Variants in TSPAN5 observed in about 807,000 individuals in gnomAD.
The protein encoded by TSPAN5 is tetraspanin 5.
Under a neutral mutation model 37.1 loss-of-function variants are expected in TSPAN5, and 10 were observed. The ratio of observed to expected loss-of-function variants is 0.27; its 90% CI spans 0.17 to 0.46. The LOEUF (loss-of-function observed/expected upper bound fraction) is 0.46, where lower values mean the gene tolerates loss of function less well. Among genes scored for constraint, TSPAN5 ranks in the 20% least tolerant of loss-of-function variants. The pLI is 1.00. For missense variants in TSPAN5, 195 were observed against 326.6 expected, an observed-to-expected ratio of 0.60 and a Z score of 3.11; for synonymous variants, 110 against 118.9, an observed-to-expected ratio of 0.93 and a Z score of 0.48.
At chr4:98,623,767 T>C (rs1284097693) in intron 1 of TSPAN5, among the ~76,000 whole-genome samples, 2 of 152,166 alleles carry the variant, frequency 1.3e-5, no homozygotes, top group Admixed American at 1.3e-4. Context: ...AATACAAAAT[T>C]GGGAAATTTA....
At chr4:98,650,618 CAT>C (rs1182043434) in intron 1 of TSPAN5, among the ~76,000 whole-genome samples, 2 of 152,112 alleles carry the variant, frequency 1.3e-5, no homozygotes, top group Non-Finnish European at 1.5e-5. Flanking sequence ...TTTAAAAGTA[CAT>C]AGATACAGAA....
chr4:98,615,858 G>A (rs1305933922), intron 1 of TSPAN5, among the ~76,000 whole-genome samples: 1 of 152,114 alleles, frequency 6.6e-6, no homozygotes, highest in Non-Finnish European at 1.5e-5. Flanking sequence ...GGCAACAGGT[G>A]GAATTAAAGG....
intron 1 of TSPAN5, among the ~76,000 whole-genome samples, chr4:98,606,556 C>T (rs1259722431): frequency 6.6e-6 from 1 of 152,136 alleles, no homozygotes; most frequent in Admixed American, 6.5e-5. Context: ...ACATCAAACA[C>T]CATTATTAAG....
chr4:98,589,887 T>C (rs1381649687), intron 1 of TSPAN5, among the ~76,000 whole-genome samples: 4 of 152,200 alleles, frequency 2.6e-5, no homozygotes, highest in Admixed American at 6.5e-5. Flanking sequence ...TTCTCCCCTT[T>C]TTCTCTTTAA....
intron 1 of TSPAN5, among the ~76,000 whole-genome samples, chr4:98,610,394 T>C (rs1473934034): frequency 6.6e-6 from 1 of 152,190 alleles, no homozygotes; most frequent in African/African-American, 2.4e-5. Context: ...GGGGGACACA[T>C]TCAAACCATA....
intron 2 of TSPAN5, among the ~76,000 whole-genome samples, chr4:98,491,574 G>A (rs944059827): frequency 6.6e-6 from 1 of 151,936 alleles, no homozygotes; most frequent in African/African-American, 2.4e-5. Flanking sequence ...TGTAATCCCA[G>A]CTACTCGAGA....
chr4:98,622,696 A>G (rs1296770056), intron 1 of TSPAN5, among the ~76,000 whole-genome samples: 3 of 152,232 alleles, frequency 2.0e-5, no homozygotes, highest in Non-Finnish European at 4.4e-5. Flanking sequence ...CAGGTAGGAC[A>G]GTCAGTCTGA....
chr4:98,564,378 T>C (rs984221048), intron 1 of TSPAN5, among the ~76,000 whole-genome samples: 12 of 152,242 alleles, frequency 7.9e-5, no homozygotes, highest in Non-Finnish European at 2.9e-5. Context: ...CTCCTACGAA[T>C]ATAAATAAAA....
chr4:98,487,091 A>G (rs1414963696), intron 2 of TSPAN5, among the ~76,000 whole-genome samples: 1 of 138,994 alleles, frequency 7.2e-6, no homozygotes, highest in Non-Finnish European at 1.5e-5. Context: ...AAAGAGAAAG[A>G]GAGAGAAAGA....
chr4:98,570,224 G>A (rs2110180729), intron 1 of TSPAN5, among the ~76,000 whole-genome samples: 1 of 152,216 alleles, frequency 6.6e-6, no homozygotes, highest in East Asian at 1.9e-4. Flanking sequence ...CCTATAAGTG[G>A]TAAAAAACAA....
intron 1 of TSPAN5, among the ~76,000 whole-genome samples, chr4:98,585,601 C>T (rs890373436): frequency 5.9e-5 from 9 of 152,214 alleles, no homozygotes; most frequent in Admixed American, 3.3e-4. Flanking sequence ...TGAGCCACTG[C>T]GCCCAGCCTA....
chr4:98,490,907 A>C (rs949937796), intron 2 of TSPAN5, among the ~76,000 whole-genome samples: 1 of 152,170 alleles, frequency 6.6e-6, no homozygotes, highest in East Asian at 1.9e-4. Flanking sequence ...CTAAAAATGC[A>C]AAAAATTAGC....
At chr4:98,628,462 G>A (rs912931305) in intron 1 of TSPAN5, among the ~76,000 whole-genome samples, 2 of 152,092 alleles carry the variant, frequency 1.3e-5, no homozygotes, top group South Asian at 2.1e-4. Flanking sequence ...ACACTGCCTG[G>A]TATTGGTTTA....
chr4:98,570,334 C>T (rs1372275356), intron 1 of TSPAN5, among the ~76,000 whole-genome samples: 2 of 152,108 alleles, frequency 1.3e-5, no homozygotes, highest in East Asian at 1.9e-4. Flanking sequence ...TGTGACAGCC[C>T]ACAGAAAGGC....
At chr4:98,634,261 A>T (rs1418667853) in intron 1 of TSPAN5, among the ~76,000 whole-genome samples, 1 of 152,168 alleles carries the variant, frequency 6.6e-6, no homozygotes, top group Non-Finnish European at 1.5e-5. Flanking sequence ...CTTGACTGGC[A>T]GGGAGTGGCA....
rs993703062 is a variant in TSPAN5, at chr4:98,651,888, T to G, written c.81+6258A>C. 3.9e-4 allele frequency among the ~76,000 whole-genome samples: 45 copies of G among 115,086 alleles called. No individual in the cohort carries two copies. In the East Asian group the frequency reaches 7.1e-3, roughly 18 times the overall value. 75.5% of individuals were successfully genotyped at this position (115,086 alleles called of 152,430 possible). On this transcript the variant is annotated intron_variant, in intron 1 of 7. Coordinates refer to ENST00000305798, the MANE Select transcript of TSPAN5 (RefSeq NM_005723.4). ...ACTTTTTTTTTTTTTTTTTTTTTTT[T>G]TTGAGACAGGGTCTTGTTCTGTCAC...
At chr4:98,480,637 T>C (rs1315876910) in intron 4 of TSPAN5, among the ~76,000 whole-genome samples, 1 of 152,160 alleles carries the variant, frequency 6.6e-6, no homozygotes, top group Non-Finnish European at 1.5e-5. Flanking sequence ...AGTATTTCCG[T>C]TTAAAGCACA....
At chr4:98,653,590 T>A (rs1473241701) in intron 1 of TSPAN5, among the ~76,000 whole-genome samples, 1 of 152,140 alleles carries the variant, frequency 6.6e-6, no homozygotes, top group Non-Finnish European at 1.5e-5. Flanking sequence ...CATTACCTAG[T>A]AGTAATGATG....
intron 1 of TSPAN5, among the ~76,000 whole-genome samples, chr4:98,510,929 G>A (rs1560517669): frequency 6.6e-6 from 1 of 152,116 alleles, no homozygotes; most frequent in Non-Finnish European, 1.5e-5. Flanking sequence ...TAATTAAACA[G>A]AGAAGAGCCA....
Sources: gnomAD v4.1 joint callset for allele counts (sites outside exome capture counted in the v4.1 genomes callset) on GRCh38, gnomAD v4.1.1 for gene constraint, MANE v1.5 for transcripts, NCBI Gene and HGNC (gene_info 2026-07-23, HGNC 2026-07-21) for gene names.